FBXW4: variants seen among roughly 807,000 people sequenced by gnomAD.
FBXW4 encodes F-box and WD repeat domain containing 4.
FBXW4 carries 40 observed loss-of-function variants against 61.8 expected under a neutral mutation model. That is an observed-to-expected ratio of 0.65 (90% CI 0.50 to 0.84). FBXW4 has a LOEUF of 0.84. Ranked by LOEUF, FBXW4 falls within the 40% of genes least tolerant of loss-of-function variation. The probability of loss-of-function intolerance (pLI) is 0.00; values close to 1 mark genes in which losing one functional copy is unlikely to be tolerated. For missense variants in FBXW4, 672 were observed against 753.8 expected, an observed-to-expected ratio of 0.89 and a Z score of 1.27; for synonymous variants, 311 against 313.8, an observed-to-expected ratio of 0.99 and a Z score of 0.10.
At chr10:101,680,401 G>A (rs576128436) in intron 1 of FBXW4, among the ~76,000 whole-genome samples, 1 of 152,104 alleles carries the variant, frequency 6.6e-6, no homozygotes. Context: ...AGGGAAAAAA[G>A]ATTAAAAGCA....
chr10:101,621,324 C>T (rs561420895), intron 6 of FBXW4, among the ~76,000 whole-genome samples: 2 of 152,284 alleles, frequency 1.3e-5, no homozygotes, highest in East Asian at 1.9e-4. Flanking sequence ...CCAACGAGTT[C>T]GAGACCAGCC....
chr10:101,676,156 T>C (rs1039890318), intron 2 of FBXW4, among the ~76,000 whole-genome samples, 185 bp downstream of exon 2: 1 of 152,232 alleles, frequency 6.6e-6, no homozygotes, highest in Non-Finnish European at 1.5e-5. Context: ...AGTACATTTC[T>C]TGTATTCCCT....
chr10:101,639,049 G>C (rs2064028257), intron 5 of FBXW4, among the ~76,000 whole-genome samples: 1 of 152,212 alleles, frequency 6.6e-6, no homozygotes, highest in African/African-American at 2.4e-5. Flanking sequence ...CATTTGTAGA[G>C]GAGTGCCAGC....
chr10:101,676,461 C>G (rs187669687), intron 1 of FBXW4, 25 bp from the exon 2 acceptor site: 4 of 1,583,798 alleles, frequency 2.5e-6, no homozygotes, highest in African/African-American at 2.7e-5. Context: ...AACAGATAAT[C>G]CAATCACTAC....
chr10:101,656,303 A>G (rs1380898388), intron 5 of FBXW4, among the ~76,000 whole-genome samples: 2 of 152,168 alleles, frequency 1.3e-5, no homozygotes, highest in African/African-American at 4.8e-5. Context: ...AGTATCCCCA[A>G]AGCATCCAGA....
intron 5 of FBXW4, among the ~76,000 whole-genome samples, chr10:101,640,537 G>C (rs563995770): frequency 8.1e-6 from 1 of 123,024 alleles, no homozygotes; most frequent in Non-Finnish European, 1.6e-5. Flanking sequence ...TGTTGCCCAG[G>C]CTGGAGTGCA....
At chr10:101,615,167 C>G (rs1018663149) in intron 6 of FBXW4, among the ~76,000 whole-genome samples, 1 of 152,160 alleles carries the variant, frequency 6.6e-6, no homozygotes, top group South Asian at 2.1e-4. Context: ...GAATGCTTCT[C>G]GGCCTCTCAC....
At chr10:101,630,936 T>C (rs1251105335) in intron 5 of FBXW4, among the ~76,000 whole-genome samples, 1 of 152,180 alleles carries the variant, frequency 6.6e-6, no homozygotes. Flanking sequence ...GAGTCACATC[T>C]GTGATGAGTG....
chr10:101,636,807 C>T (rs1380342711), intron 5 of FBXW4, among the ~76,000 whole-genome samples: 1 of 151,686 alleles, frequency 6.6e-6, no homozygotes, highest in African/African-American at 2.4e-5. Flanking sequence ...CAGGCTGGTC[C>T]CGAACTCCTG....
chr10:101,622,783 A>G (rs1393787844), intron 6 of FBXW4: 1 of 151,876 alleles, frequency 6.6e-6, no homozygotes, highest in African/African-American at 2.4e-5. Context: ...GATATTTGCA[A>G]ATCACATATT....
At chr10:101,652,401 C>A (rs912204850) in intron 5 of FBXW4, among the ~76,000 whole-genome samples, 3 of 152,062 alleles carry the variant, frequency 2.0e-5, no homozygotes, top group African/African-American at 7.2e-5. Context: ...GGAGGAACAA[C>A]TGGGATCCAC....
intron 5 of FBXW4, among the ~76,000 whole-genome samples, chr10:101,656,037 A>G (rs2064182232): frequency 6.6e-6 from 1 of 152,206 alleles, no homozygotes; most frequent in African/African-American, 2.4e-5. Flanking sequence ...CTTTTTCTTC[A>G]GCCAATGCAT....
intron 5 of FBXW4, among the ~76,000 whole-genome samples, chr10:101,661,118 C>T (rs1308265660): frequency 6.6e-6 from 1 of 152,250 alleles, no homozygotes; most frequent in East Asian, 1.9e-4. Flanking sequence ...AGTCTGGACA[C>T]ATCAACTCTG....
At chr10:101,687,398 C>G (rs1378392850) in intron 1 of FBXW4, among the ~76,000 whole-genome samples, 1 of 152,180 alleles carries the variant, frequency 6.6e-6, no homozygotes, top group African/African-American at 2.4e-5. Flanking sequence ...TCTTTCTCTA[C>G]TTTCTTAAAG....
At chr10:101,660,811 C>A (rs1030781699) in intron 5 of FBXW4, among the ~76,000 whole-genome samples, 2 of 152,156 alleles carry the variant, frequency 1.3e-5, no homozygotes, top group African/African-American at 4.8e-5. Flanking sequence ...ATGACTGATC[C>A]GTCCAGCGTG....
intron 5 of FBXW4, among the ~76,000 whole-genome samples, chr10:101,641,680 C>A (rs761958895): frequency 3.3e-5 from 5 of 151,130 alleles, no homozygotes; most frequent in Non-Finnish European, 7.4e-5. Flanking sequence ...TCCCCCCAAA[C>A]CCTCTCACTC....
intron 5 of FBXW4, chr10:101,627,918 A>C (rs899740197): frequency 1.0e-6 from 1 of 978,434 alleles, no homozygotes; most frequent in African/African-American, 1.8e-5. Context: ...CATCACAGGC[A>C]GTCTCACTGG....
At chr10:101,655,751 C>G (rs1198339047) in intron 5 of FBXW4, among the ~76,000 whole-genome samples, 2 of 152,206 alleles carry the variant, frequency 1.3e-5, no homozygotes, top group African/African-American at 4.8e-5. Context: ...GTCTCGTGCT[C>G]TGGACTGGAC....
At chr10:101,621,252 C>A (rs1432195370) in intron 6 of FBXW4, among the ~76,000 whole-genome samples, 1 of 152,224 alleles carries the variant, frequency 6.6e-6, no homozygotes, top group Non-Finnish European at 1.5e-5. Flanking sequence ...ACAAGCCAGG[C>A]ACAATGGCTT....
Sources: allele counts gnomAD v4.1 joint callset (sites outside exome capture counted in the v4.1 genomes callset), GRCh38; gene constraint gnomAD v4.1.1; transcripts MANE v1.5; gene names NCBI Gene and HGNC (gene_info 2026-07-23, HGNC 2026-07-21).